CACNA2D3: variants seen among roughly 807,000 people sequenced by gnomAD.
CACNA2D3 encodes calcium voltage-gated channel auxiliary subunit alpha2delta 3.
In CACNA2D3, 60 loss-of-function variants were observed where a neutral mutation model predicts 160.6. The observed-to-expected ratio is 0.37, with a 90% CI of 0.30 to 0.46. The LOEUF (loss-of-function observed/expected upper bound fraction) is 0.46, where lower values mean the gene tolerates loss of function less well. CACNA2D3 is among the 20% of genes least tolerant of loss of function. The probability of loss-of-function intolerance (pLI) is 1.00; values close to 1 mark genes in which losing one functional copy is unlikely to be tolerated. For missense variants in CACNA2D3, 1,205 were observed against 1,365.0 expected (o/e 0.88, Z 1.85); for synonymous variants, 558 against 492.9 (o/e 1.13, Z -1.75).
intron 9 of CACNA2D3, among the ~76,000 whole-genome samples, chr3:54,607,638 A>G (rs1305265680): frequency 6.6e-6 from 1 of 152,242 alleles, no homozygotes; most frequent in Admixed American, 6.5e-5. Context: ...TAGTGCAGCC[A>G]TTCTGGAAAA....
chr3:54,387,658 ATAAGTAAGTAAG>A (rs3028847), intron 4 of CACNA2D3, among the ~76,000 whole-genome samples: 2 of 151,148 alleles, frequency 1.3e-5, no homozygotes, highest in African/African-American at 2.4e-5. Flanking sequence ...TCTCAAATAA[ATAAGTAAGTAAG>A]TAAGTAAGTA....
At chr3:54,738,801 T>C (rs2107035468) in intron 11 of CACNA2D3, among the ~76,000 whole-genome samples, 1 of 152,336 alleles carries the variant, frequency 6.6e-6, no homozygotes, top group African/African-American at 2.4e-5. Flanking sequence ...ACAATGCCTT[T>C]TTCTCCCACT....
rs572173031 is a variant in CACNA2D3, at chr3:54,343,119, C to CT, written c.321+22569dup. On this transcript the variant is annotated intron_variant, in intron 3 of 37. Coordinates refer to ENST00000474759, the MANE Select transcript of CACNA2D3 (RefSeq NM_018398.3). ...TTATTGCATTAAGCAAATTTTTAAA[C>CT]TTTTTTTTCCCTCTTGGGAAAATTT... 5.9e-4 allele frequency among the ~76,000 whole-genome samples: 90 copies of CT among 152,154 alleles called. No individual in the cohort carries two copies. In the Middle Eastern group the frequency reaches 0.017, roughly 29 times the overall value.
intron 11 of CACNA2D3, among the ~76,000 whole-genome samples, chr3:54,725,716 T>C (rs1701263311): frequency 6.6e-6 from 1 of 152,174 alleles, no homozygotes; most frequent in South Asian, 2.1e-4. Flanking sequence ...TCAACACCCC[T>C]TCATGCCCAA....
At chr3:54,907,370 C>G (rs1445527176) in intron 27 of CACNA2D3, among the ~76,000 whole-genome samples, 4 of 152,154 alleles carry the variant, frequency 2.6e-5, no homozygotes, top group Non-Finnish European at 5.9e-5. Context: ...TATTTTACCA[C>G]CAGAGAAAAG....
chr3:54,390,093 A>G (rs1254897570), intron 4 of CACNA2D3, among the ~76,000 whole-genome samples: 1 of 152,208 alleles, frequency 6.6e-6, no homozygotes, highest in African/African-American at 2.4e-5. Context: ...TCATGTGGTC[A>G]GTTTTACTGA....
intron 29 of CACNA2D3, among the ~76,000 whole-genome samples, chr3:54,971,087 A>G (rs1258363596): frequency 2.0e-5 from 3 of 152,106 alleles, no homozygotes; most frequent in African/African-American, 7.2e-5. Context: ...TTAGAAAATC[A>G]TAATCATTGT....
At chr3:54,686,475 A>G (rs779588931) in intron 11 of CACNA2D3, among the ~76,000 whole-genome samples, 1 of 152,228 alleles carries the variant, frequency 6.6e-6, no homozygotes, top group African/African-American at 2.4e-5. Context: ...CTACAAAACA[A>G]CAGGAGGTAA....
At chr3:54,885,627 A>G in intron 23 of CACNA2D3, 41 bp downstream of exon 23, 1 of 1,474,836 alleles carries the variant, frequency 6.8e-7, no homozygotes, top group Non-Finnish European at 9.4e-7. Flanking sequence ...TTCAGGGGTG[A>G]TGGTGGGGAA....
At chr3:54,943,126 C>T (rs545615463) in intron 27 of CACNA2D3, among the ~76,000 whole-genome samples, 1 of 151,728 alleles carries the variant, frequency 6.6e-6, no homozygotes, top group Admixed American at 6.6e-5. Context: ...CACTTGAACC[C>T]AGGAGTTCGA....
intron 5 of CACNA2D3, among the ~76,000 whole-genome samples, chr3:54,524,875 G>C (rs1701700505): frequency 6.6e-6 from 1 of 151,972 alleles, no homozygotes; most frequent in Non-Finnish European, 1.5e-5. Flanking sequence ...CTTTTAGCCT[G>C]TTTGTATCTT....
At chr3:54,235,678 A>G (rs1419512966) in intron 2 of CACNA2D3, among the ~76,000 whole-genome samples, 27 of 152,254 alleles carry the variant, frequency 1.8e-4, no homozygotes, top group Non-Finnish European at 2.9e-5. Context: ...CCAGTGGCCA[A>G]AGCTGGAACA....
intron 9 of CACNA2D3, among the ~76,000 whole-genome samples, chr3:54,610,242 C>T (rs1276656632): frequency 1.3e-5 from 2 of 152,170 alleles, no homozygotes; most frequent in Admixed American, 6.5e-5. Flanking sequence ...GGGGTTTGGA[C>T]TTCAACATGT....
chr3:55,053,439 A>G (rs766053266), intron 35 of CACNA2D3, among the ~76,000 whole-genome samples: 3 of 151,998 alleles, frequency 2.0e-5, no homozygotes, highest in Non-Finnish European at 2.9e-5. Flanking sequence ...CTTCTAACCA[A>G]TGCTCATACT....
chr3:54,149,929 C>CTCTCTT (rs1700112739), intron 2 of CACNA2D3, among the ~76,000 whole-genome samples: 1 of 53,990 alleles, frequency 1.9e-5, no homozygotes, highest in African/African-American at 1.0e-4. Flanking sequence ...CTCTCTCTCT[C>CTCTCTT]TCCCTCCCTC....
intron 5 of CACNA2D3, among the ~76,000 whole-genome samples, chr3:54,522,756 A>T (rs1196559381): frequency 6.6e-6 from 1 of 152,090 alleles, no homozygotes; most frequent in African/African-American, 2.4e-5. Context: ...CCTGCAGCAA[A>T]CCACTATTTT....
intron 2 of CACNA2D3, among the ~76,000 whole-genome samples, chr3:54,274,169 A>C (rs1023987629): frequency 2.0e-5 from 3 of 152,088 alleles, no homozygotes; most frequent in Non-Finnish European, 2.9e-5. Context: ...AGAAACCTGG[A>C]AAATATACAA....
In CACNA2D3 at chr3:54,252,100, G is replaced by T. The variant is rs1401309206; in HGVS notation, c.205-68342G>T. On this transcript the variant is annotated intron_variant, in intron 2 of 37. Transcript: ENST00000474759. ...TCCAATTTCTCTTTTTGCAGAGCTA[G>T]TTTTTTTTTTTTTTGTACGATACTC... Among the ~76,000 whole-genome samples the T allele has an allele frequency of 4.3e-4, 52 of 120,942 alleles. 1 individual carries two copies. Among genetic ancestry groups the T allele is most frequent in the East Asian group, 6.9e-4 (3 of 4,352 alleles). The allele number at this position is 120,942 out of a possible 152,430, so 79.3% of individuals were successfully genotyped here.
At chr3:54,359,967 G>T (rs539209318) in intron 3 of CACNA2D3, among the ~76,000 whole-genome samples, 68 of 152,294 alleles carry the variant, frequency 4.5e-4, no homozygotes, top group African/African-American at 1.3e-3. Context: ...TGAAGGACAT[G>T]TATCAGGATG....
Sources: allele counts gnomAD v4.1 joint callset (sites outside exome capture counted in the v4.1 genomes callset), GRCh38; gene constraint gnomAD v4.1.1; transcripts MANE v1.5; gene names NCBI Gene and HGNC (gene_info 2026-07-23, HGNC 2026-07-21).